MYH16: variants seen among roughly 807,000 people sequenced by gnomAD.
The protein encoded by MYH16 is myosin heavy chain 16.
exon 27 of MYH16, chr7:99,285,423 G>C (rs750121682): frequency 5.9e-5 from 27 of 456,748 alleles, no homozygotes; most frequent in South Asian, 3.6e-4. Flanking sequence ...AAGCTGAGAG[G>C]GCCATGAGAG....
At chr7:99,294,675 C>T (rs957714602) in intron 33 of MYH16, among the ~76,000 whole-genome samples, 1 of 151,762 alleles carries the variant, frequency 6.6e-6, no homozygotes, top group Admixed American at 6.6e-5. Flanking sequence ...AAGCAATTCT[C>T]ATTCCTCAGC....
chr7:99,243,047 C>T (rs575587247), intron 1 of MYH16, among the ~76,000 whole-genome samples: 1 of 152,330 alleles, frequency 6.6e-6, no homozygotes, highest in East Asian at 1.9e-4. Flanking sequence ...CAGCAACCTG[C>T]CAAGGAGGCT....
intron 9 of MYH16, among the ~76,000 whole-genome samples, chr7:99,257,075 G>A (rs1057347938): frequency 2.0e-5 from 3 of 152,328 alleles, no homozygotes; most frequent in Non-Finnish European, 2.9e-5. Flanking sequence ...TGCAGATGAC[G>A]AAACAGAAGC....
intron 11 of MYH16, among the ~76,000 whole-genome samples, chr7:99,259,387 G>A (rs1290785074): frequency 1.3e-5 from 2 of 152,176 alleles, no homozygotes; most frequent in Non-Finnish European, 2.9e-5. Flanking sequence ...GCAAAGGTGG[G>A]GGGATCACTT....
At chr7:99,297,453 ATTAAT>A (rs949591011) in intron 34 of MYH16, among the ~76,000 whole-genome samples, 4 of 151,924 alleles carry the variant, frequency 2.6e-5, no homozygotes, top group East Asian at 1.9e-4. Context: ...TAATTAATTA[ATTAAT>A]TTAATTTAAT....
intron 19 of MYH16, among the ~76,000 whole-genome samples, chr7:99,271,386 A>G (rs1792044184): frequency 1.3e-5 from 2 of 152,156 alleles, no homozygotes; most frequent in African/African-American, 4.8e-5. Context: ...GTGGGCACCT[A>G]TAATCCCAGC....
chr7:99,248,469 C>T (rs1187817568), intron 3 of MYH16, among the ~76,000 whole-genome samples: 1 of 152,178 alleles, frequency 6.6e-6, no homozygotes, highest in Non-Finnish European at 1.5e-5. Context: ...AATCTTAGCT[C>T]ACCGCAGTCT....
chr7:99,259,716 A>ATGTGTG (rs539769919), intron 11 of MYH16, among the ~76,000 whole-genome samples: 2 of 146,818 alleles, frequency 1.4e-5, no homozygotes, highest in Non-Finnish European at 3.0e-5. Flanking sequence ...ATATATATAT[A>ATGTGTG]TGTGTGTGTG....
chr7:99,285,611 A>G (rs1792266534), intron 27 of MYH16, among the ~76,000 whole-genome samples, 173 bp downstream of exon 9: 1 of 152,218 alleles, frequency 6.6e-6, no homozygotes, highest in South Asian at 2.1e-4. Context: ...CTGCACATCC[A>G]CATTAATCAT....
At chr7:99,291,617 A>ACCCCCCACCCCC (rs1792378438) in intron 31 of MYH16, among the ~76,000 whole-genome samples, 167 bp downstream of exon 12, 1 of 105,964 alleles carries the variant, frequency 9.4e-6, no homozygotes, top group African/African-American at 3.8e-5. Flanking sequence ...ACACAGCAAG[A>ACCCCCCACCCCC]CCCCCCCCCA....
chr7:99,291,615 A>AG (rs1486813924), intron 31 of MYH16, among the ~76,000 whole-genome samples, 165 bp downstream of exon 12: 2 of 36,550 alleles, frequency 5.5e-5, no homozygotes, highest in East Asian at 4.7e-4. Flanking sequence ...CAACACAGCA[A>AG]GACCCCCCCC....
intron 11 of MYH16, among the ~76,000 whole-genome samples, chr7:99,259,459 GTTTAT>G (rs1562776269): frequency 6.6e-6 from 1 of 151,716 alleles, no homozygotes; most frequent in African/African-American, 2.4e-5. Context: ...TTTTATTTTT[GTTTAT>G]TTATTTTTTT....
At chr7:99,244,262 G>T (rs969959089) in intron 2 of MYH16, among the ~76,000 whole-genome samples, 7 of 152,194 alleles carry the variant, frequency 4.6e-5, no homozygotes, top group Non-Finnish European at 1.0e-4. Context: ...GTGACTTGTA[G>T]CCTGAGGCAC....
chr7:99,254,772 G>T (rs1311736884), intron 8 of MYH16, among the ~76,000 whole-genome samples: 1 of 152,184 alleles, frequency 6.6e-6, no homozygotes, highest in East Asian at 1.9e-4. Context: ...CCACAGGTGG[G>T]CTTTATTTGT....
chr7:99,309,485 CT>C (rs1173183207), downstream of MYH16, among the ~76,000 whole-genome samples: 1 of 152,186 alleles, frequency 6.6e-6, no homozygotes, highest in Non-Finnish European at 1.5e-5. Context: ...TTCTCTAACC[CT>C]GAAATAATGG....
intron 20 of MYH16, among the ~76,000 whole-genome samples, chr7:99,275,828 T>C (rs1326712374): frequency 6.6e-6 from 1 of 152,220 alleles, no homozygotes; most frequent in Non-Finnish European, 1.5e-5. Flanking sequence ...GCCTCCCGGA[T>C]TCAAGCGATT....
chr7:99,269,284 T>TTG (rs1267010715), intron 18 of MYH16, among the ~76,000 whole-genome samples: 1 of 151,778 alleles, frequency 6.6e-6, no homozygotes, highest in Non-Finnish European at 1.5e-5. Flanking sequence ...TTTTTTTTTT[T>TTG]TTTTCTTAAG....
At chr7:99,284,059 G>A in intron 25 of MYH16, 41 bp downstream of exon 7, 1 of 417,018 alleles carries the variant, frequency 2.4e-6, no homozygotes, top group Admixed American at 2.6e-5. Flanking sequence ...CACAATGGTA[G>A]CAATAGCTGG....
At chr7:99,283,030 G>A (rs1041251567) in intron 23 of MYH16, among the ~76,000 whole-genome samples, 1 of 152,134 alleles carries the variant, frequency 6.6e-6, no homozygotes, top group Non-Finnish European at 1.5e-5. Flanking sequence ...GGCATTGCTG[G>A]AGTCATCCAC....
Sources: allele counts gnomAD v4.1 joint callset (sites outside exome capture counted in the v4.1 genomes callset), GRCh38; gene constraint gnomAD v4.1.1; transcripts MANE v1.5; gene names NCBI Gene and HGNC (gene_info 2026-07-23, HGNC 2026-07-21).